The following YARS1 variants were observed in gnomAD, a reference collection of about 807,000 sequenced individuals.
YARS1 encodes the protein tyrosine--tRNA ligase, cytoplasmic.
A neutral mutation model predicts 62.2 loss-of-function variants in YARS1; 36 were observed. That is an observed-to-expected ratio of 0.58 (90% CI 0.44 to 0.76). The LOEUF is 0.76. Ranked by LOEUF, YARS1 falls within the 30% of genes least tolerant of loss-of-function variation. The probability of loss-of-function intolerance (pLI) is 0.00; values close to 1 mark genes in which losing one functional copy is unlikely to be tolerated. For synonymous variants in YARS1, 234 were observed against 244.9 expected (o/e 0.96, Z 0.42); for missense variants, 524 against 639.8 (o/e 0.82, Z 1.95).
At chr1:32,782,187 A>T in intron 9 of YARS1, 1 of 674,058 alleles carries the variant, frequency 1.5e-6, no homozygotes, top group Non-Finnish European at 2.5e-6. Flanking sequence ...AGCAGCTCTC[A>T]GCAATGCCGG....
chr1:32,801,508 C>G (rs542961640), intron 4 of YARS1, among the ~76,000 whole-genome samples: 165 of 152,272 alleles, frequency 1.1e-3, no homozygotes, highest in Non-Finnish European at 1.9e-3. Context: ...AGGGTCTTGC[C>G]TCCATGTCTG....
At position 32,775,895 on chromosome 1, in the gene YARS1, G is replaced by T; in HGVS notation, c.*86C>A. ...AACCCGCTGCTTCCGTGTCCTGAGA[G>T]ATGGGTAAATGGGTGATGGATGGAG... On this transcript the variant is annotated 3_prime_UTR_variant, in exon 13 of 13. Transcript: ENST00000373477. 7.9e-7 allele frequency: 1 copy of T among 1,259,864 alleles called. No homozygotes were observed. The highest frequency in any genetic ancestry group is 2.3e-5 in the East Asian group (1 of 42,732). The allele number at this position is 1,259,864 out of a possible 1,614,324, so 78.0% of individuals were successfully genotyped here. A position where few individuals can be genotyped will look rare whatever the true frequency, so the allele number is the denominator to read the frequency against.
At chr1:32,797,392 A>G (rs1240989775) in intron 5 of YARS1, among the ~76,000 whole-genome samples, 2 of 152,092 alleles carry the variant, frequency 1.3e-5, no homozygotes, top group Admixed American at 1.3e-4. Flanking sequence ...CAAGAAAAAG[A>G]AAAAGATGCT....
Position 32,775,921 on chromosome 1 carries a change from C to A in YARS1, c.*60G>T. 7.1e-7 allele frequency: 1 copy of A among 1,416,782 alleles called. No individual in the cohort carries two copies. Among genetic ancestry groups the A allele is most frequent in the Non-Finnish European group, 1.0e-6 (1 of 1,002,218 alleles). 87.8% of individuals were successfully genotyped at this position (1,416,782 alleles called of 1,614,324 possible). A position where few individuals can be genotyped will look rare whatever the true frequency, so the allele number is the denominator to read the frequency against. On this transcript the variant is annotated 3_prime_UTR_variant, in exon 13 of 13. Coordinates refer to ENST00000373477, the MANE Select transcript of YARS1 (RefSeq NM_003680.4). The stretch of plus-strand genomic sequence containing the variant: ...ATGGGTAAATGGGTGATGGATGGAG[C>A]AGACTGAAGAGACAGCAGATGACTC...
intron 5 of YARS1, among the ~76,000 whole-genome samples, chr1:32,796,999 T>A (rs1264342328): frequency 0.13 from 972 of 7,308 alleles, 193 homozygotes; most frequent in East Asian, 0.31. Flanking sequence ...AAAAAAAATA[T>A]ATATATATAT....
rs1652840224 is a variant in YARS1 at position 32,775,896 on chromosome 1, A to G, written c.*85T>C. The G allele has an allele frequency of 8.0e-7, 1 of 1,256,646 alleles. No homozygotes were observed. Among genetic ancestry groups the G allele is most frequent in the Admixed American group, 1.8e-5 (1 of 56,918 alleles). The allele number at this position is 1,256,646 out of a possible 1,614,324, so 77.8% of individuals were successfully genotyped here. A position where few individuals can be genotyped will look rare whatever the true frequency, so the allele number is the denominator to read the frequency against. ...ACCCGCTGCTTCCGTGTCCTGAGAGATGGGTAAATGGGTGATGGATGGAGC... is the reference window on the plus strand; with the variant it reads ...ACCCGCTGCTTCCGTGTCCTGAGAGGTGGGTAAATGGGTGATGGATGGAGC... On this transcript the variant is annotated 3_prime_UTR_variant, in exon 13 of 13. Coordinates refer to ENST00000373477, the MANE Select transcript of YARS1 (RefSeq NM_003680.4).
chr1:32,782,275 A>G lies in YARS1; in HGVS notation c.1042+129T>C, dbSNP rs778542027. On this transcript the variant is annotated intron_variant, in intron 9 of 12. Transcript: ENST00000373477. Reference sequence around the variant, plus strand: ...CTCAAGTTCCATTCTAGGAGCCAGTAGGACATGACATTCCTGCACTTCAGA... The same window carrying G: ...CTCAAGTTCCATTCTAGGAGCCAGTGGGACATGACATTCCTGCACTTCAGA... 3.1e-5 allele frequency: 46 copies of G among 1,485,644 alleles called. No individual in the cohort carries two copies. The East Asian group carries it at 7.2e-4, about 23-fold the overall frequency. 92.0% of individuals were successfully genotyped at this position (1,485,644 alleles called of 1,614,324 possible).
Position 32,786,460 on chromosome 1 carries a change from G to C in YARS1, c.821-13C>G. 1.2e-6 allele frequency: 2 copies of C among 1,611,364 alleles called. No individual in the cohort carries two copies. Among genetic ancestry groups the C allele is most frequent in the Non-Finnish European group, 1.7e-6 (2 of 1,178,174 alleles). ...AGGATCACAAACTCTATAAGGAAAA[G>C]GATCCATGTCAACAAACTCATTGAC... On this transcript the variant is annotated splice_polypyrimidine_tract_variant and intron_variant, in intron 7 of 12. Coordinates refer to ENST00000373477, the MANE Select transcript of YARS1 (RefSeq NM_003680.4).
At chr1:32,801,100 G>C (rs894808080) in intron 4 of YARS1, among the ~76,000 whole-genome samples, 1 of 152,182 alleles carries the variant, frequency 6.6e-6, no homozygotes, top group Admixed American at 6.5e-5. Flanking sequence ...TTAAAGGACA[G>C]ACAGGTAGAG....
intron 5 of YARS1, among the ~76,000 whole-genome samples, chr1:32,793,629 AC>A (rs1216070928): frequency 6.6e-6 from 1 of 152,132 alleles, no homozygotes; most frequent in Non-Finnish European, 1.5e-5. Context: ...TGCAAGCAAG[AC>A]CCTGTCTCAA....
chr1:32,791,086 T>A, intron 6 of YARS1, 76 bp downstream of exon 6: 1 of 1,318,500 alleles, frequency 7.6e-7, no homozygotes, highest in Non-Finnish European at 1.1e-6. Flanking sequence ...GTTAGCCAGG[T>A]CACTGTTCTT....
chr1:32,805,095 G>C (rs57215825), intron 4 of YARS1, among the ~76,000 whole-genome samples: 3,452 of 152,128 alleles, frequency 0.023, 136 homozygotes, highest in African/African-American at 0.077. Context: ...AGGCGTGGCG[G>C]CACGCGCCTG....
intron 5 of YARS1, among the ~76,000 whole-genome samples, chr1:32,794,755 C>T (rs1278339471): frequency 6.6e-6 from 1 of 151,720 alleles, no homozygotes; most frequent in Non-Finnish European, 1.5e-5. Flanking sequence ...TGCCTGTAAT[C>T]CCAGCACTTT....
intron 1 of YARS1, among the ~76,000 whole-genome samples, chr1:32,815,193 A>G (rs1208417755): frequency 6.6e-6 from 1 of 152,166 alleles, no homozygotes; most frequent in Non-Finnish European, 1.5e-5. Context: ...TACTAAAAAT[A>G]CAAAAATTAG....
intron 3 of YARS1, among the ~76,000 whole-genome samples, chr1:32,809,728 C>A (rs1638540436): frequency 6.6e-6 from 1 of 152,140 alleles, no homozygotes; most frequent in East Asian, 1.9e-4. Flanking sequence ...ATAATGCTTA[C>A]TTTAAAAAGT....
chr1:32,783,478 T>C (rs2148602010), intron 8 of YARS1: 1 of 152,218 alleles, frequency 6.6e-6, no homozygotes, highest in Non-Finnish European at 1.5e-5. Flanking sequence ...GCCCAGCTAA[T>C]TTTTTGTATT....
At chr1:32,796,371 G>GTTT (rs71006371) in intron 5 of YARS1, among the ~76,000 whole-genome samples, 3 of 146,956 alleles carry the variant, frequency 2.0e-5, no homozygotes, top group African/African-American at 5.0e-5. Context: ...TTTCTTTTTT[G>GTTT]TTTTTTTTTT....
intron 6 of YARS1, among the ~76,000 whole-genome samples, chr1:32,787,600 C>G (rs2148604483): frequency 6.6e-6 from 1 of 151,894 alleles, no homozygotes; most frequent in South Asian, 2.1e-4. Context: ...AGCTCCGCCT[C>G]CTGGGTTCAC....
chr1:32,797,132 G>C (rs904336382), intron 5 of YARS1, among the ~76,000 whole-genome samples: 2 of 148,092 alleles, frequency 1.4e-5, no homozygotes, highest in African/African-American at 2.5e-5. Flanking sequence ...AGCACTTTGG[G>C]AGGCCAAGGC....
Sources: gnomAD v4.1 joint callset for allele counts (sites outside exome capture counted in the v4.1 genomes callset) on GRCh38, gnomAD v4.1.1 for gene constraint, MANE v1.5 for transcripts, NCBI Gene and HGNC (gene_info 2026-07-23, HGNC 2026-07-21) for gene names.